Variants in ERP44 observed in about 807,000 individuals in gnomAD.
ERP44 encodes the protein endoplasmic reticulum protein 44, also known as endoplasmic reticulum resident protein 44.
In ERP44, 25 loss-of-function variants were observed where a neutral mutation model predicts 53.4. The ratio of observed to expected loss-of-function variants is 0.47; its 90% CI spans 0.34 to 0.65. The LOEUF (loss-of-function observed/expected upper bound fraction) is 0.65, where lower values mean the gene tolerates loss of function less well. Among genes scored for constraint, ERP44 ranks in the 30% least tolerant of loss-of-function variants. The probability of loss-of-function intolerance (pLI) is 0.01; values close to 1 mark genes in which losing one functional copy is unlikely to be tolerated. For synonymous variants in ERP44, 145 were observed against 161.2 expected, an observed-to-expected ratio of 0.90 and a Z score of 0.76; for missense variants, 338 against 493.2, an observed-to-expected ratio of 0.69 and a Z score of 2.98.
chr9:100,086,734 CAA>C (rs1438025681), intron 1 of ERP44, among the ~76,000 whole-genome samples: 2 of 152,150 alleles, frequency 1.3e-5, no homozygotes, highest in African/African-American at 4.8e-5. Flanking sequence ...TTTCCAGCTT[CAA>C]AGTCACTCTA....
intron 7 of ERP44, among the ~76,000 whole-genome samples, chr9:100,016,915 T>C (rs1830531022): frequency 6.6e-6 from 1 of 152,210 alleles, no homozygotes; most frequent in Non-Finnish European, 1.5e-5. Flanking sequence ...ATTAACTCTT[T>C]ATCAGTATCT....
At chr9:100,064,105 T>G (rs1826185700) in intron 1 of ERP44, among the ~76,000 whole-genome samples, 1 of 152,232 alleles carries the variant, frequency 6.6e-6, no homozygotes, top group Admixed American at 6.5e-5. Flanking sequence ...GCACTTTCTA[T>G]AGGGTGTTAA....
At position 100,098,995 on chromosome 9, in the gene ERP44, G is replaced by C; in HGVS notation, c.-155C>G. 3.2e-6 allele frequency: 2 copies of C among 616,500 alleles called. No homozygotes were observed. Among genetic ancestry groups the C allele is most frequent in the Non-Finnish European group, 5.8e-6 (2 of 344,754 alleles). 38.2% of individuals were successfully genotyped at this position (616,500 alleles called of 1,614,324 possible). ...TCCTCTCGACCCGGGCTCCAGCGGC[G>C]AACACCCGGGACAACTTCCAGAGAG... On this transcript the variant is annotated 5_prime_UTR_variant, in exon 1 of 12. Transcript: ENST00000262455.
chr9:100,088,243 A>G (rs1587986546), intron 1 of ERP44, among the ~76,000 whole-genome samples: 1 of 152,384 alleles, frequency 6.6e-6, no homozygotes, highest in African/African-American at 2.4e-5. Context: ...GGGCAAGTAC[A>G]CTTTTGCAAA....
chr9:100,004,655 T>A (rs1435215503), intron 10 of ERP44, among the ~76,000 whole-genome samples: 1 of 152,014 alleles, frequency 6.6e-6, no homozygotes, highest in African/African-American at 2.4e-5. Flanking sequence ...CTGCCTGGGG[T>A]TGGGGGAGGG....
rs555137212 is a variant in ERP44, at chr9:100,098,701, G to T, written c.57+83C>A. ...CTGCAGGAAAAGACGGAAAAGCAGG[G>T]GCAGGAGTAGCAGTGTTCCCCCTGG... On this transcript the variant is annotated intron_variant, in intron 1 of 11. Transcript: ENST00000262455. 4.6e-5 allele frequency: 52 copies of T among 1,128,180 alleles called. No homozygotes were observed. In the South Asian group the frequency reaches 5.3e-4, roughly 12 times the overall value. 69.9% of individuals were successfully genotyped at this position (1,128,180 alleles called of 1,614,324 possible). A position where few individuals can be genotyped will look rare whatever the true frequency, so the allele number is the denominator to read the frequency against.
chr9:100,068,332 G>T (rs1826251726), intron 1 of ERP44, among the ~76,000 whole-genome samples: 1 of 130,992 alleles, frequency 7.6e-6, no homozygotes, highest in Non-Finnish European at 1.6e-5. Flanking sequence ...GGAGGGAGGT[G>T]GGGGGGTCAG....
Position 100,049,152 on chromosome 9 carries a change from G to A in ERP44, c.286+3265C>T, listed in dbSNP as rs146914126. On this transcript the variant is annotated intron_variant, in intron 4 of 11. Transcript: ENST00000262455. ...GGGCAGGGCACAGTGGCTCATGCTT[G>A]TAATCCCAGCACTTTCAGAAGCCGA... 1.7e-4 allele frequency among the ~76,000 whole-genome samples: 26 copies of A among 152,274 alleles called. No individual in the cohort carries two copies. The East Asian group carries it at 4.8e-3, about 28-fold the overall frequency.
chr9:100,015,930 T>C (rs568439773), intron 8 of ERP44, among the ~76,000 whole-genome samples: 1 of 152,256 alleles, frequency 6.6e-6, no homozygotes, highest in South Asian at 2.1e-4. Context: ...CAGGCCGTAA[T>C]GCTCTCTCGC....
At chr9:100,058,213 C>T (rs983310873) in intron 2 of ERP44, among the ~76,000 whole-genome samples, 8 of 152,102 alleles carry the variant, frequency 5.3e-5, no homozygotes, top group Admixed American at 1.3e-4. Context: ...GTAGCTAGGA[C>T]TACAGGCAAA....
At chr9:100,038,257 T>C (rs945165997) in intron 4 of ERP44, among the ~76,000 whole-genome samples, 2 of 152,106 alleles carry the variant, frequency 1.3e-5, no homozygotes, top group Non-Finnish European at 2.9e-5. Flanking sequence ...GTAAAAAGAC[T>C]AAATTAGGGA....
At chr9:99,989,240 C>T (rs1830228854) in intron 10 of ERP44, among the ~76,000 whole-genome samples, 1 of 152,214 alleles carries the variant, frequency 6.6e-6, no homozygotes, top group South Asian at 2.1e-4. Flanking sequence ...TCAAGTGGGT[C>T]CCTGACCCCC....
chr9:100,054,414 A>C (rs1826068788), intron 3 of ERP44, among the ~76,000 whole-genome samples: 1 of 152,150 alleles, frequency 6.6e-6, no homozygotes, highest in South Asian at 2.1e-4. Context: ...AAGCCTCTTT[A>C]TGGCTTAAGG....
rs117614225 is a variant in ERP44 at position 100,056,754 on chromosome 9, G to A, written c.170+1066C>T. ...ATATCATGCCTCACAGTCCAGTGAT[G>A]AAATACAGAATTTTATAGGAATTGA... On this transcript the variant is annotated intron_variant, in intron 3 of 11. Transcript: ENST00000262455. 9.6e-3 allele frequency among the ~76,000 whole-genome samples: 1,456 copies of A among 152,296 alleles called. 13 individuals are homozygous for A. The highest frequency in any genetic ancestry group is 0.016 in the Non-Finnish European group (1,102 of 68,008).
At chr9:100,094,741 T>C (rs988011740) in intron 1 of ERP44, among the ~76,000 whole-genome samples, 1 of 151,738 alleles carries the variant, frequency 6.6e-6, no homozygotes, top group African/African-American at 2.4e-5. Flanking sequence ...GGCAGGCAGA[T>C]CAGTTGAGCC....
chr9:100,050,410 T>C (rs961368935), intron 4 of ERP44, among the ~76,000 whole-genome samples: 5 of 152,166 alleles, frequency 3.3e-5, no homozygotes, highest in African/African-American at 1.2e-4. Context: ...AGTATATAAA[T>C]TAAAGTTGTT....
intron 4 of ERP44, among the ~76,000 whole-genome samples, chr9:100,037,496 G>A (rs1825857321): frequency 6.6e-6 from 1 of 152,114 alleles, no homozygotes; most frequent in Non-Finnish European, 1.5e-5. Flanking sequence ...ATGACCTACT[G>A]AGACACCAAC....
At chr9:100,034,825 T>C (rs1340109464) in intron 4 of ERP44, among the ~76,000 whole-genome samples, 1 of 152,120 alleles carries the variant, frequency 6.6e-6, no homozygotes, top group Non-Finnish European at 1.5e-5. Context: ...CTTCAAACTA[T>C]ACTACAAGGC....
intron 1 of ERP44, among the ~76,000 whole-genome samples, chr9:100,088,254 A>G (rs1183164236): frequency 1.3e-5 from 2 of 152,262 alleles, no homozygotes; most frequent in Non-Finnish European, 2.9e-5. Flanking sequence ...CTTTTGCAAA[A>G]TATGTTTTAA....
Sources: gnomAD v4.1 joint callset for allele counts (sites outside exome capture counted in the v4.1 genomes callset) on GRCh38, gnomAD v4.1.1 for gene constraint, MANE v1.5 for transcripts, NCBI Gene and HGNC (gene_info 2026-07-23, HGNC 2026-07-21) for gene names.